Variants in NTMT1 observed in about 807,000 individuals in gnomAD.
The protein encoded by NTMT1 is N-terminal RCC1 methyltransferase.
NTMT1 carries 8 observed loss-of-function variants against 17.5 expected under a neutral mutation model. That is an observed-to-expected ratio of 0.46 (90% CI 0.27 to 0.82). The LOEUF is 0.82. Ranked by LOEUF, NTMT1 falls within the 40% of genes least tolerant of loss-of-function variation. The pLI, the probability that NTMT1 is intolerant of heterozygous loss-of-function variation, is 0.15. For synonymous variants in NTMT1, 128 were observed against 126.8 expected, an observed-to-expected ratio of 1.01 and a Z score of -0.06; for missense variants, 221 against 303.5, an observed-to-expected ratio of 0.73 and a Z score of 2.02.
chr9:129,610,211 GAGGGGGAGGGGAA>G (rs1413527916), intron 1 of NTMT1, among the ~76,000 whole-genome samples: 4 of 111,454 alleles, frequency 3.6e-5, no homozygotes, highest in Admixed American at 1.7e-4. Context: ...GGGGAGGAGG[GAGGGGGAGGGGAA>G]AGGGGGAGGG....
At chr9:129,626,127 C>A (rs2118914980), upstream of NTMT1, 1 of 152,354 alleles carries the variant, frequency 6.6e-6, no homozygotes, top group East Asian at 1.9e-4. Flanking sequence ...TGGGCCCGCC[C>A]CTAAACGCCC....
intron 1 of NTMT1, among the ~76,000 whole-genome samples, chr9:129,609,804 G>A (rs1830070736): frequency 6.6e-6 from 1 of 152,068 alleles, no homozygotes; most frequent in South Asian, 2.1e-4. Context: ...GCCAGGGGGA[G>A]GCGTCTGGGC....
At chr9:129,625,998 C>A (rs1260908719), upstream of NTMT1, among the ~76,000 whole-genome samples, 20 of 130,634 alleles carry the variant, frequency 1.5e-4, no homozygotes, top group Admixed American at 1.2e-3. Flanking sequence ...CTTGACAGAG[C>A]AAGATTCTAT....
At chr9:129,616,163 A>G (rs1830367104) in intron 1 of NTMT1, among the ~76,000 whole-genome samples, 1 of 152,192 alleles carries the variant, frequency 6.6e-6, no homozygotes, top group Non-Finnish European at 1.5e-5. Context: ...ACAAGCATCC[A>G]GCCCAGGGTC....
At chr9:129,629,256 AC>A (rs1191114504) in intron 1 of NTMT1, among the ~76,000 whole-genome samples, 2 of 152,158 alleles carry the variant, frequency 1.3e-5, no homozygotes, top group African/African-American at 4.8e-5. Context: ...CCTGGTCCTT[AC>A]GCCATCAGAC....
chr9:129,620,595 C>A lies in NTMT1; in HGVS notation c.-55+11417C>A. On this transcript the variant is annotated intron_variant, in intron 1 of 3. Coordinates refer to the NTMT1 transcript ENST00000372486. This position sits in a 1 kb window ranked among gnomAD's most constrained non-coding sequence, Gnocchi z 5.8. ...AACATGCTTGGCCCCGCACTCAGCTCACCGCACCCTCAGCGCGCGTGGGTG... is the reference window on the plus strand; with the variant it reads ...AACATGCTTGGCCCCGCACTCAGCTAACCGCACCCTCAGCGCGCGTGGGTG... 7.6e-7 allele frequency: 1 copy of A among 1,320,186 alleles called. No individual in the cohort carries two copies. Among genetic ancestry groups the A allele is most frequent in the South Asian group, 2.4e-5 (1 of 42,524 alleles). 81.8% of individuals were successfully genotyped at this position (1,320,186 alleles called of 1,614,324 possible). A position where few individuals can be genotyped will look rare whatever the true frequency, so the allele number is the denominator to read the frequency against.
rs1830385694 is a variant in NTMT1, at chr9:129,616,402, A to C, written c.-55+7224A>C. ...GGCTAATTTTTGTATTTTTAGTAGA[A>C]ACGGGGTTTCACCTTATTGGCCAGG... On this transcript the variant is annotated intron_variant, in intron 1 of 3. Transcript: ENST00000372486. 1.3e-5 allele frequency among the ~76,000 whole-genome samples: 2 copies of C among 151,900 alleles called. 1 individual carries two copies. Among genetic ancestry groups the C allele is most frequent in the Admixed American group, 1.3e-4 (2 of 15,252 alleles).
chr9:129,619,932 C>A, intron 1 of NTMT1: 1 of 1,502,210 alleles, frequency 6.7e-7, no homozygotes, highest in Non-Finnish European at 9.2e-7. Context: ...GGACGGGTTG[C>A]GAGGGCTCTG....
At position 129,620,017 on chromosome 9, in the gene NTMT1, C is replaced by A. The variant is rs1223901308; in HGVS notation, c.-55+10839C>A. 1.4e-6 allele frequency: 2 copies of A among 1,459,544 alleles called. No homozygotes were observed. Among genetic ancestry groups the A allele is most frequent in the Non-Finnish European group, 1.8e-6 (2 of 1,101,494 alleles). 90.4% of individuals were successfully genotyped at this position (1,459,544 alleles called of 1,614,324 possible). ...GGGTGCGGGGACACAAGGGACCACC[C>A]CCCACCGGAAATGACTCGGGCCCGC... is the stretch of plus-strand genomic sequence containing the variant. On this transcript the variant is annotated intron_variant, in intron 1 of 3. Coordinates refer to the NTMT1 transcript ENST00000372486. The surrounding 1 kb of genome is among the most constrained non-coding windows in gnomAD (Gnocchi z 5.8).
chr9:129,631,378 C>T (rs1368946639), intron 1 of NTMT1, among the ~76,000 whole-genome samples: 1 of 152,230 alleles, frequency 6.6e-6, no homozygotes, highest in Admixed American at 6.5e-5. Flanking sequence ...CAGCACTGTG[C>T]CTTGGGAAGC....
chr9:129,612,494 C>G, intron 1 of NTMT1: 2 of 1,538,114 alleles, frequency 1.3e-6, no homozygotes, highest in Non-Finnish European at 1.8e-6. Context: ...CTACCAGGAC[C>G]TCGGGGCAGG....
chr9:129,617,048 G>A (rs977718931), intron 1 of NTMT1, among the ~76,000 whole-genome samples: 5 of 151,788 alleles, frequency 3.3e-5, no homozygotes, highest in African/African-American at 1.2e-4. Context: ...GCCTAGGGAC[G>A]GAGTGAGACT....
chr9:129,617,350 GCT>G (rs1830442392), intron 1 of NTMT1, among the ~76,000 whole-genome samples: 1 of 152,200 alleles, frequency 6.6e-6, no homozygotes, highest in Non-Finnish European at 1.5e-5. Flanking sequence ...AGGAACCCCT[GCT>G]CTCTGCTGGC....
At chr9:129,627,791 ACT>A (rs1200000480) in intron 1 of NTMT1, among the ~76,000 whole-genome samples, 1 of 152,094 alleles carries the variant, frequency 6.6e-6, no homozygotes, top group Non-Finnish European at 1.5e-5. Flanking sequence ...GGGAGGATGG[ACT>A]CTGTCCACTA....
upstream of NTMT1, among the ~76,000 whole-genome samples, chr9:129,624,675 G>A (rs1324312083): frequency 6.6e-6 from 1 of 152,174 alleles, no homozygotes; most frequent in Non-Finnish European, 1.5e-5. Flanking sequence ...TGTCACCCAG[G>A]CTGGAAAGCA....
intron 1 of NTMT1, among the ~76,000 whole-genome samples, chr9:129,617,177 A>G (rs887331994): frequency 1.3e-5 from 2 of 152,244 alleles, no homozygotes; most frequent in Non-Finnish European, 2.9e-5. Context: ...TAGTATGCAC[A>G]TAGTTATATG....
intron 1 of NTMT1, among the ~76,000 whole-genome samples, chr9:129,610,363 G>T (rs997225126): frequency 6.6e-6 from 1 of 151,646 alleles, no homozygotes; most frequent in African/African-American, 2.4e-5. Context: ...GGGTCGCGGG[G>T]GCGCCGAGAC....
intron 1 of NTMT1, among the ~76,000 whole-genome samples, chr9:129,631,499 G>C (rs1193004303): frequency 6.6e-6 from 1 of 152,178 alleles, no homozygotes; most frequent in African/African-American, 2.4e-5. Context: ...AGGCTTTCTA[G>C]TTCTCTCTCC....
At chr9:129,611,254 A>C (rs918671450) in intron 1 of NTMT1, among the ~76,000 whole-genome samples, 3 of 152,190 alleles carry the variant, frequency 2.0e-5, no homozygotes, top group African/African-American at 7.2e-5. Context: ...GGTGGCGAGA[A>C]AGACCCGGAT....
Sources: gnomAD v4.1 joint callset for allele counts (sites outside exome capture counted in the v4.1 genomes callset) on GRCh38, gnomAD v4.1.1 for gene constraint, Gnocchi (gnomAD v3.1) non-coding constraint, MANE v1.5 for transcripts, NCBI Gene and HGNC (gene_info 2026-07-23, HGNC 2026-07-21) for gene names.